LGR6: variants seen among roughly 807,000 people sequenced by gnomAD.
The protein encoded by LGR6 is leucine-rich repeat-containing G protein-coupled receptor 6.
Under a neutral mutation model 69.4 loss-of-function variants are expected in LGR6, and 45 were observed. The ratio of observed to expected loss-of-function variants is 0.65; its 90% CI spans 0.51 to 0.83. LGR6 has a LOEUF of 0.83. Ranked by LOEUF, LGR6 falls within the 40% of genes least tolerant of loss-of-function variation. The pLI is 0.00. For missense variants in LGR6, 1,108 were observed against 1,246.7 expected (o/e 0.89, Z 1.68); for synonymous variants, 538 against 555.0 (o/e 0.97, Z 0.43).
chr1:202,318,831 C>T lies in LGR6; in HGVS notation c.2528C>T (p.Pro843Leu). Residue 843 changes from proline (P) to leucine (L), a missense_variant, in exon 18 of 18, where the codon CCC becomes CTC. Pro to Leu is a moderately conservative substitution (Grantham distance 98). Coordinates refer to ENST00000367278, the MANE Select transcript of LGR6 (RefSeq NM_001017403.2). The part of the protein sequence containing the change: ...HFRDDLRRLR[P>L]RAGDSGPLAY... Reference sequence around the variant, plus strand: ...CGGGATGACCTTCGGCGGCTTCGGCCCCGCGCAGGGGACTCAGGGCCCCTA... The same window carrying T: ...CGGGATGACCTTCGGCGGCTTCGGCTCCGCGCAGGGGACTCAGGGCCCCTA... 6.2e-7 allele frequency: 1 copy of T among 1,613,256 alleles called. No homozygotes were observed. The highest frequency in any genetic ancestry group is 1.1e-5 in the South Asian group (1 of 90,986).
In LGR6 at chr1:202,319,254, C is replaced by A; in HGVS notation, c.*47C>A. On this transcript the variant is annotated 3_prime_UTR_variant, in exon 18 of 18. Transcript: ENST00000367278. ...TTCCCCTCTCTTCCCTTTCCTCTCT[C>A]CCCCTCGGTGAATGATGGCTGCTTC... 2 of 1,498,984 alleles carry A rather than the reference C, an allele frequency of 1.3e-6. No homozygotes were observed. The highest frequency in any genetic ancestry group is 1.4e-5 in the South Asian group (1 of 73,848). The allele number at this position is 1,498,984 out of a possible 1,614,324, so 92.9% of individuals were successfully genotyped here.
intron 4 of LGR6, among the ~76,000 whole-genome samples, chr1:202,258,575 A>C (rs1430134928): frequency 3.3e-5 from 5 of 151,516 alleles, no homozygotes; most frequent in African/African-American, 9.7e-5. Context: ...TTTGTTTATG[A>C]GCTTTCTTTG....
intron 6 of LGR6, among the ~76,000 whole-genome samples, chr1:202,295,094 G>A (rs1369479430): frequency 6.6e-6 from 1 of 152,088 alleles, no homozygotes; most frequent in African/African-American, 2.4e-5. Context: ...TTGGGTGGCC[G>A]AGGTGGGCAG....
chr1:202,304,206 A>G (rs1667810513), intron 10 of LGR6, among the ~76,000 whole-genome samples: 1 of 152,142 alleles, frequency 6.6e-6, no homozygotes, highest in Non-Finnish European at 1.5e-5. Context: ...TAAGGTCCCT[A>G]CAGCAGAGAA....
At chr1:202,200,082 A>G (rs943829477) in intron 1 of LGR6, among the ~76,000 whole-genome samples, 26 of 152,126 alleles carry the variant, frequency 1.7e-4, no homozygotes. Context: ...CTTTACTAAC[A>G]AAGCCCGTCC....
chr1:202,210,529 C>T (rs915887697), intron 1 of LGR6, among the ~76,000 whole-genome samples: 2 of 152,082 alleles, frequency 1.3e-5, no homozygotes, highest in African/African-American at 4.8e-5. Flanking sequence ...TAGCACTAAC[C>T]TGGCTCCACC....
intron 4 of LGR6, among the ~76,000 whole-genome samples, chr1:202,254,478 G>A (rs1038605548): frequency 4.6e-5 from 7 of 152,200 alleles, no homozygotes; most frequent in African/African-American, 9.6e-5. Context: ...GGAATGGTCC[G>A]TCTGGTGGTG....
intron 1 of LGR6, among the ~76,000 whole-genome samples, chr1:202,205,474 A>G (rs1659163764): frequency 8.9e-6 from 1 of 112,900 alleles, no homozygotes. Context: ...ACACACACAC[A>G]CCTCCTTCAA....
At position 202,268,190 on chromosome 1, in the gene LGR6, C is replaced by T. The variant is rs1664817708; in HGVS notation, c.429-8116C>T. ...CAGGACATGCCATGGGCAGGGGACC[C>T]CACAACCCCATTGGAGCCCCGTGGC... On this transcript the variant is annotated intron_variant, in intron 4 of 17. Coordinates refer to ENST00000367278, the MANE Select transcript of LGR6 (RefSeq NM_001017403.2). This position sits in a 1 kb window ranked among gnomAD's most constrained non-coding sequence, Gnocchi z 4.4. 6.6e-6 allele frequency among the ~76,000 whole-genome samples: 1 copy of T among 152,240 alleles called. No homozygotes were observed. The highest frequency in any genetic ancestry group is 1.5e-5 in the Non-Finnish European group (1 of 68,032).
At chr1:202,281,902 T>C (rs1018224817) in intron 6 of LGR6, among the ~76,000 whole-genome samples, 1 of 151,832 alleles carries the variant, frequency 6.6e-6, no homozygotes, top group Non-Finnish European at 1.5e-5. Context: ...TGGGAAGCAA[T>C]GTACTGGGGA....
In LGR6 at chr1:202,279,372, C is replaced by T. The variant is rs544099005; in HGVS notation, c.645-1409C>T. ...ATCCCCAGGCTCGCAGGAGTCCCGT[C>T]CTTACCCATCTATGTTGGGTGAGGC... is the stretch of plus-strand genomic sequence containing the variant. On this transcript the variant is annotated intron_variant, in intron 5 of 17. Transcript: ENST00000367278. Among the ~76,000 whole-genome samples the T allele has an allele frequency of 2.6e-5, 4 of 152,228 alleles. No homozygotes were observed. In the South Asian group the frequency reaches 6.2e-4, roughly 24 times the overall value.
At chr1:202,266,903 C>T (rs957595273) in intron 4 of LGR6, among the ~76,000 whole-genome samples, 4 of 151,478 alleles carry the variant, frequency 2.6e-5, no homozygotes, top group East Asian at 3.9e-4. Context: ...CTCTAACGCG[C>T]GCACACACAC....
intron 4 of LGR6, among the ~76,000 whole-genome samples, chr1:202,257,522 C>T (rs980531020): frequency 6.6e-6 from 1 of 152,060 alleles, no homozygotes; most frequent in Non-Finnish European, 1.5e-5. Context: ...TGTAGATATC[C>T]ACATGTTCCA....
chr1:202,202,550 T>C (rs897946397), intron 1 of LGR6, among the ~76,000 whole-genome samples: 6 of 152,228 alleles, frequency 3.9e-5, no homozygotes, highest in Non-Finnish European at 5.9e-5. Context: ...TATATGTTTC[T>C]TCACCTCTCT....
chr1:202,246,640 C>T (rs1662729451), intron 4 of LGR6, among the ~76,000 whole-genome samples: 2 of 151,870 alleles, frequency 1.3e-5, no homozygotes, highest in Admixed American at 1.3e-4. Flanking sequence ...CATACATTCT[C>T]CCATTCTGTG....
Position 202,268,256 on chromosome 1 carries a change from C to CTGGTGT in LGR6, c.429-8049_429-8044dup, listed in dbSNP as rs1664823769. ...TGGCACCTGGCACTGGCGGCTGGTG[C>CTGGTGT]TGGTGTGGGAGGCTGGGCCCTGCCG... On this transcript the variant is annotated intron_variant, in intron 4 of 17. Coordinates refer to ENST00000367278, the MANE Select transcript of LGR6 (RefSeq NM_001017403.2). The surrounding 1 kb of genome is among the most constrained non-coding windows in gnomAD (Gnocchi z 4.4). Among the ~76,000 whole-genome samples, 1 of 152,188 alleles carries CTGGTGT rather than the reference C, an allele frequency of 6.6e-6. No individual in the cohort carries two copies. The highest frequency in any genetic ancestry group is 6.5e-5 in the Admixed American group (1 of 15,282).
intron 1 of LGR6, among the ~76,000 whole-genome samples, chr1:202,209,355 G>C (rs1484266112): frequency 6.6e-6 from 1 of 152,160 alleles, no homozygotes; most frequent in East Asian, 1.9e-4. Context: ...GCCTCTCCCT[G>C]CTCCTCCTCA....
At chr1:202,270,746 G>A (rs1411444095) in intron 4 of LGR6, among the ~76,000 whole-genome samples, 2 of 152,162 alleles carry the variant, frequency 1.3e-5, no homozygotes, top group African/African-American at 2.4e-5. Context: ...CTTCTGCTAC[G>A]CTTGCTCCCT....
chr1:202,271,808 CA>C (rs754922941), intron 4 of LGR6, among the ~76,000 whole-genome samples: 293 of 88,450 alleles, frequency 3.3e-3, no homozygotes, highest in African/African-American at 6.3e-3. Context: ...AACTCTGTCT[CA>C]AAAAAAAAAA....
Sources: allele counts gnomAD v4.1 joint callset (sites outside exome capture counted in the v4.1 genomes callset), GRCh38; gene constraint gnomAD v4.1.1; non-coding constraint Gnocchi (gnomAD v3.1); transcripts MANE v1.5; gene names NCBI Gene and HGNC (gene_info 2026-07-23, HGNC 2026-07-21).